The following NRG1 variants were observed in gnomAD, a reference collection of about 807,000 sequenced individuals.
NRG1 encodes pro-neuregulin-1, membrane-bound isoform.
In NRG1, 18 loss-of-function variants were observed where a neutral mutation model predicts 63.8. The observed-to-expected ratio is 0.28, with a 90% CI of 0.19 to 0.42. The LOEUF (loss-of-function observed/expected upper bound fraction) is 0.42. NRG1 is among the 10% of genes least tolerant of loss of function. The pLI, the probability that NRG1 is intolerant of heterozygous loss-of-function variation, is 1.00. For missense variants in NRG1, 762 were observed against 814.7 expected (o/e 0.94, Z 0.79); for synonymous variants, 302 against 301.3 (o/e 1.00, Z -0.02).
Position 32,220,056 on chromosome 8 carries a change from G to C in NRG1, c.38-375772G>C, listed in dbSNP as rs371113940. ...AAGAAAAAAGAGAAGGGAATTCCTC[G>C]TAGGTTTAAGATCAGAAAGTGGGGA... is the stretch of plus-strand genomic sequence containing the variant. On this transcript the variant is annotated intron_variant, in intron 1 of 10. Transcript: ENST00000519301. Among the ~76,000 whole-genome samples the C allele has an allele frequency of 6.6e-5, 10 of 152,254 alleles. No individual in the cohort carries two copies. In the South Asian group the frequency reaches 1.2e-3, roughly 19 times the overall value.
At chr8:32,627,621 A>C (rs1849533183) in intron 5 of NRG1, among the ~76,000 whole-genome samples, 1 of 152,080 alleles carries the variant, frequency 6.6e-6, no homozygotes, top group South Asian at 2.1e-4. Context: ...AATTTCCTGA[A>C]CTTGTTTTAT....
chr8:32,251,515 CAT>C (rs1849104670), intron 1 of NRG1, among the ~76,000 whole-genome samples: 1 of 152,122 alleles, frequency 6.6e-6, no homozygotes, highest in African/African-American at 2.4e-5. Context: ...CTACAATAAA[CAT>C]ATGTGTGCAT....
chr8:32,764,030 G>T, exon 12 of NRG1: 1 of 1,614,070 alleles, frequency 6.2e-7, no homozygotes, highest in South Asian at 1.1e-5. Flanking sequence ...CTAGCCCCTT[G>T]AGGATAGTGG....
chr8:32,160,804 G>A (rs1838740450), intron 1 of NRG1, among the ~76,000 whole-genome samples: 1 of 152,186 alleles, frequency 6.6e-6, no homozygotes, highest in Admixed American at 6.5e-5. Flanking sequence ...TTATCCCCCT[G>A]ATTTTTATAG....
At chr8:32,752,228 A>G (rs1828870805) in intron 7 of NRG1, among the ~76,000 whole-genome samples, 2 of 152,166 alleles carry the variant, frequency 1.3e-5, no homozygotes, top group African/African-American at 4.8e-5. Context: ...TTTGCTTCTT[A>G]GACATGTATC....
chr8:32,728,135 T>C (rs1266040827), intron 6 of NRG1, 57 bp downstream of exon 6: 1 of 1,603,330 alleles, frequency 6.2e-7, no homozygotes, highest in Non-Finnish European at 8.5e-7. Context: ...TTCAGATGAT[T>C]CTATGTCTCA....
At chr8:31,957,613 T>A (rs538247508) in intron 1 of NRG1, among the ~76,000 whole-genome samples, 1 of 152,276 alleles carries the variant, frequency 6.6e-6, no homozygotes, top group South Asian at 2.1e-4. Context: ...TGTAAAACAC[T>A]GTTAATGAGA....
At chr8:32,418,522 T>C (rs77442589) in intron 1 of NRG1, among the ~76,000 whole-genome samples, 79 of 152,200 alleles carry the variant, frequency 5.2e-4, no homozygotes, top group African/African-American at 1.8e-3. Context: ...ACACTTACAG[T>C]ACATCTTAAT....
chr8:32,412,437 T>C (rs1002237834), intron 1 of NRG1, among the ~76,000 whole-genome samples: 5 of 33,820 alleles, frequency 1.5e-4, no homozygotes, highest in Non-Finnish European at 4.4e-4. Flanking sequence ...TATATATATA[T>C]ATATATATAT....
intron 1 of NRG1, among the ~76,000 whole-genome samples, chr8:31,788,634 T>C (rs543075801): frequency 6.6e-6 from 1 of 152,270 alleles, no homozygotes; most frequent in East Asian, 1.9e-4. Flanking sequence ...ATATTTTAAT[T>C]TGTAGTGATT....
chr8:31,738,343 C>A (rs1814903887), intron 1 of NRG1, among the ~76,000 whole-genome samples: 1 of 152,092 alleles, frequency 6.6e-6, no homozygotes. Context: ...TTTAAGCCAG[C>A]AGGGGTTCTT....
intron 1 of NRG1, among the ~76,000 whole-genome samples, chr8:32,112,712 G>A (rs998757608): frequency 6.6e-6 from 1 of 152,174 alleles, no homozygotes; most frequent in African/African-American, 2.4e-5. Flanking sequence ...CTTCATAGAA[G>A]TGGTGGAGAA....
chr8:31,719,967 T>A (rs1812741906), intron 1 of NRG1, among the ~76,000 whole-genome samples: 1 of 152,102 alleles, frequency 6.6e-6, no homozygotes, highest in South Asian at 2.1e-4. Flanking sequence ...AAATTGTCAG[T>A]TATAGGGAGG....
chr8:32,210,610 A>C (rs1300203456), intron 1 of NRG1, among the ~76,000 whole-genome samples: 1 of 152,218 alleles, frequency 6.6e-6, no homozygotes, highest in African/African-American at 2.4e-5. Flanking sequence ...TGAAGAGAAG[A>C]AAAGATGAAC....
intron 1 of NRG1, among the ~76,000 whole-genome samples, chr8:32,529,886 C>T (rs1831264594): frequency 6.6e-6 from 1 of 152,070 alleles, no homozygotes; most frequent in East Asian, 1.9e-4. Flanking sequence ...AAGGAGTGCA[C>T]TTAAAAGAAC....
chr8:31,668,661 A>G (rs1403179325), intron 1 of NRG1, among the ~76,000 whole-genome samples: 1 of 152,216 alleles, frequency 6.6e-6, no homozygotes, highest in Non-Finnish European at 1.5e-5. Context: ...GGTTTCTGGC[A>G]TGTAACCCTA....
intron 1 of NRG1, among the ~76,000 whole-genome samples, chr8:32,075,651 C>CTTTTTTTTTTTTT (rs200354474): frequency 6.7e-6 from 1 of 150,296 alleles, no homozygotes; most frequent in African/African-American, 2.5e-5. Flanking sequence ...ATATTTTAAC[C>CTTTTTTTTTTTTT]TTTTTTTTTT....
chr8:32,642,525 A>G lies in NRG1; in HGVS notation c.502+25640A>G, dbSNP rs150963620. ...ATAGGTGGAAGAAGCTGACAGATCC[A>G]TTGGTGTACTTTATCCTCCAGAGAA... On this transcript the variant is annotated intron_variant, in intron 5 of 11. Coordinates refer to ENST00000356819, the Ensembl canonical transcript of NRG1. Among the ~76,000 whole-genome samples the G allele has an allele frequency of 7.7e-3, 1,179 of 152,310 alleles. 6 individuals are homozygous for G. The highest frequency in any genetic ancestry group is 0.024 in the Middle Eastern group (7 of 294).
chr8:31,892,918 T>C (rs1192706595), intron 1 of NRG1, among the ~76,000 whole-genome samples: 1 of 151,990 alleles, frequency 6.6e-6, no homozygotes, highest in Non-Finnish European at 1.5e-5. Context: ...TCATCTGAAA[T>C]AAATGTATAA....
Sources: gnomAD v4.1 joint callset for allele counts (sites outside exome capture counted in the v4.1 genomes callset) on GRCh38, gnomAD v4.1.1 for gene constraint, MANE v1.5 for transcripts, NCBI Gene and HGNC (gene_info 2026-07-23, HGNC 2026-07-21) for gene names.